The following RGS19 variants were observed in gnomAD, a reference collection of about 807,000 sequenced individuals.
The protein encoded by RGS19 is regulator of G protein signaling 19, also known as G alpha interacting protein.
A neutral mutation model predicts 22.0 loss-of-function variants in RGS19; 9 were observed. That is an observed-to-expected ratio of 0.41 (90% CI 0.25 to 0.71). The LOEUF (loss-of-function observed/expected upper bound fraction) is 0.71. Among genes scored for constraint, RGS19 ranks in the 30% least tolerant of loss-of-function variants. The pLI, the probability that RGS19 is intolerant of heterozygous loss-of-function variation, is 0.32. For missense variants in RGS19, 256 were observed against 307.1 expected (o/e 0.83, Z 1.24); for synonymous variants, 130 against 127.3 (o/e 1.02, Z -0.14).
In RGS19 at chr20:64,075,787, GCC is replaced by G. The variant is rs2059900335; in HGVS notation, c.152+736_152+737del. On this transcript the variant is annotated intron_variant, in intron 3 of 5. Transcript: ENST00000395042. The surrounding 1 kb of genome is among the most constrained non-coding windows in gnomAD (Gnocchi z 4.6). Reference sequence around the variant, plus strand: ...GCTGTCCGGGAAGCTCTTGGCCATCGCCCCAGGGCCAGCAGTTCCCTTATTGG... The same window carrying G: ...GCTGTCCGGGAAGCTCTTGGCCATCGCCAGGGCCAGCAGTTCCCTTATTGG... Among the ~76,000 whole-genome samples the G allele has an allele frequency of 6.6e-6, 1 of 151,894 alleles. No individual in the cohort carries two copies. The highest frequency in any genetic ancestry group is 1.5e-5 in the Non-Finnish European group (1 of 67,984).
At chr20:64,076,832 A>C in intron 2 of RGS19, 25 bp downstream of exon 2, 1 of 1,574,110 alleles carries the variant, frequency 6.4e-7, no homozygotes, top group Non-Finnish European at 8.6e-7. Flanking sequence ...CCAGGGGAGC[A>C]GAGGCAGAGG....
chr20:64,077,171 C>T (rs1033541306), intron 1 of RGS19, among the ~76,000 whole-genome samples: 1 of 152,150 alleles, frequency 6.6e-6, no homozygotes, highest in Non-Finnish European at 1.5e-5. Flanking sequence ...TCTGGCCCCT[C>T]CTCCCAGGCT....
chr20:64,075,849 T>C lies in RGS19; in HGVS notation c.152+676A>G, dbSNP rs766968612. On this transcript the variant is annotated intron_variant, in intron 3 of 5. Coordinates refer to ENST00000395042, the MANE Select transcript of RGS19 (RefSeq NM_005873.3). This position sits in a 1 kb window ranked among gnomAD's most constrained non-coding sequence, Gnocchi z 4.6. ...TCAAACGTCCCTCCACCCCACACACTGTATGGGGTCTGTGCCTGTCTTTCT... is the reference window on the plus strand; with the variant it reads ...TCAAACGTCCCTCCACCCCACACACCGTATGGGGTCTGTGCCTGTCTTTCT... Among the ~76,000 whole-genome samples, 5 of 151,550 alleles carry C rather than the reference T, an allele frequency of 3.3e-5. No homozygotes were observed. Among genetic ancestry groups the C allele is most frequent in the Non-Finnish European group, 5.9e-5 (4 of 67,898 alleles).
Position 64,075,512 on chromosome 20 carries a change from G to A in RGS19, c.153-971C>T, listed in dbSNP as rs891547940. ...CTGGGCTCCTCCCACCCCCTTTCCCGACTGCCCCCTGGCCACCCCCAGCTT... is the reference window on the plus strand; with the variant it reads ...CTGGGCTCCTCCCACCCCCTTTCCCAACTGCCCCCTGGCCACCCCCAGCTT... On this transcript the variant is annotated intron_variant, in intron 3 of 5. Transcript: ENST00000395042. The surrounding 1 kb of genome is among the most constrained non-coding windows in gnomAD (Gnocchi z 4.6). Among the ~76,000 whole-genome samples, 6 of 147,774 alleles carry A rather than the reference G, an allele frequency of 4.1e-5. No individual in the cohort carries two copies. In the East Asian group the frequency reaches 5.9e-4, roughly 15 times the overall value.
At chr20:64,078,282 T>TACCC (rs1320300238) in intron 1 of RGS19, among the ~76,000 whole-genome samples, 4 of 26,214 alleles carry the variant, frequency 1.5e-4, no homozygotes, top group South Asian at 8.8e-4. Flanking sequence ...CGGCCCAGTT[T>TACCC]CCTCTGAGAC....
At position 64,075,088 on chromosome 20, in the gene RGS19, A is replaced by T. The variant is rs905541228; in HGVS notation, c.153-547T>A. On this transcript the variant is annotated intron_variant, in intron 3 of 5. Coordinates refer to ENST00000395042, the MANE Select transcript of RGS19 (RefSeq NM_005873.3). The surrounding 1 kb of genome is among the most constrained non-coding windows in gnomAD (Gnocchi z 4.6). ...CCAGAAGGGTCATGTGCCTGGGAACAGGGCCACCCATGGGAATGTGCCTGG... is the reference window on the plus strand; with the variant it reads ...CCAGAAGGGTCATGTGCCTGGGAACTGGGCCACCCATGGGAATGTGCCTGG... Among the ~76,000 whole-genome samples, 6 of 123,098 alleles carry T rather than the reference A, an allele frequency of 4.9e-5. No individual in the cohort carries two copies. Among genetic ancestry groups the T allele is most frequent in the Non-Finnish European group, 1.1e-4 (6 of 55,270 alleles). The allele number at this position is 123,098 out of a possible 152,430, so 80.8% of individuals were successfully genotyped here. A position where few individuals can be genotyped will look rare whatever the true frequency, so the allele number is the denominator to read the frequency against.
At chr20:64,074,994 C>T (rs1334603452) in intron 3 of RGS19, among the ~76,000 whole-genome samples, 1 of 152,238 alleles carries the variant, frequency 6.6e-6, no homozygotes, top group Non-Finnish European at 1.5e-5. Context: ...CTCTGCTCCC[C>T]TGGGGGAGAT....
rs751164822 is a variant in RGS19, at chr20:64,073,961, C to T, written c.546G>A (p.Leu182=). The change falls in exon 6 of 6, where the codon CTG becomes CTA. Residue 182 remains leucine, a synonymous_variant. Transcript: ENST00000395042. ...CCCGGTGCATGAGCGTGTAGATCTG[C>T]AGCTGCGCGTCGTCGAACGTGTGTG... ...PSAHTFDDAQ[L]QIYTLMHRDS... 4.7e-6 allele frequency: 7 copies of T among 1,504,986 alleles called. No homozygotes were observed. The highest frequency in any genetic ancestry group is 1.5e-5 in the African/African-American group (1 of 66,814). 93.2% of individuals were successfully genotyped at this position (1,504,986 alleles called of 1,614,324 possible). A position where few individuals can be genotyped will look rare whatever the true frequency, so the allele number is the denominator to read the frequency against.
intron 1 of RGS19, among the ~76,000 whole-genome samples, chr20:64,078,427 C>CG (rs1601616393): frequency 6.6e-6 from 1 of 152,172 alleles, no homozygotes; most frequent in African/African-American, 2.4e-5. Context: ...TGTACCCAGA[C>CG]GGGGCTGTCT....
Position 64,074,290 on chromosome 20 carries a change from C to G in RGS19, c.316G>C (p.Ala106Pro). Residue 106 changes from alanine (A) to proline (P), a missense_variant, in exon 5 of 6, where the codon GCG (alanine) becomes CCG (proline). Physicochemically the swap from Ala to Pro is conservative, Grantham distance 27. Transcript: ENST00000395042. ...TCGCTGTACTCTGTCCGCAGGAACG[C>G]CCGGAACACGCTGCGTCCCGCTGGG... ...HSPAGRSVFR[A>P]FLRTEYSEEN... 2 of 1,613,278 alleles carry G rather than the reference C, an allele frequency of 1.2e-6. No individual in the cohort carries two copies. Among genetic ancestry groups the G allele is most frequent in the Non-Finnish European group, 1.7e-6 (2 of 1,180,030 alleles).
chr20:64,074,672 GAC>G (rs2059890886), intron 3 of RGS19, 131 bp from the exon 4 acceptor site: 3 of 809,732 alleles, frequency 3.7e-6, no homozygotes, highest in Non-Finnish European at 5.7e-6. Flanking sequence ...GCAGGCACCT[GAC>G]ACACATGGGC....
chr20:64,076,127 C>T (rs572439998), intron 3 of RGS19, among the ~76,000 whole-genome samples: 2 of 152,310 alleles, frequency 1.3e-5, no homozygotes, highest in South Asian at 2.1e-4. Flanking sequence ...GTGATCCGCC[C>T]ACCTTGCCCT....
At chr20:64,078,839 C>G (rs998467484) in intron 1 of RGS19, among the ~76,000 whole-genome samples, 1 of 152,148 alleles carries the variant, frequency 6.6e-6, no homozygotes, top group Non-Finnish European at 1.5e-5. Flanking sequence ...CTTTGGCCCC[C>G]AAGTCTGGGA....
Position 64,074,469 on chromosome 20 carries a change from T to C in RGS19, c.225A>G (p.Val75=), listed in dbSNP as rs1324803729. ...ACACACCAGCCGGCTGGACTCACCA[T>C]ACTTCACAGCTGGGGAGGGGCTGCA... ...SKLQPLPSCE[V]CATPSPEEVQ... The change falls in exon 4 of 6, where the codon GTA becomes GTG. Residue 75 remains valine, a splice_region_variant and synonymous_variant. Transcript: ENST00000395042. 2 of 1,585,872 alleles carry C rather than the reference T, an allele frequency of 1.3e-6. No individual in the cohort carries two copies. Among genetic ancestry groups the C allele is most frequent in the East Asian group, 2.3e-5 (1 of 43,248 alleles).
chr20:64,079,784 G>A (rs571949138), upstream of RGS19: 3 of 151,258 alleles, frequency 2.0e-5, no homozygotes, highest in African/African-American at 4.8e-5. The surrounding 1 kb of genome is among the most constrained non-coding windows in gnomAD (Gnocchi z 5.1). Flanking sequence ...CCCGTGCGCC[G>A]GCTCCCGAAG....
At chr20:64,079,882 T>A (rs2059946956), upstream of RGS19, 1 of 147,834 alleles carries the variant, frequency 6.8e-6, no homozygotes, top group African/African-American at 2.5e-5. The surrounding 1 kb of genome is among the most constrained non-coding windows in gnomAD (Gnocchi z 5.1). Context: ...CCAGCCGCGC[T>A]CCCGAGCCAC....
In RGS19 at chr20:64,076,499, A is replaced by C. The variant is rs569783850; in HGVS notation, c.152+26T>G. 78 of 1,612,084 alleles carry C rather than the reference A, an allele frequency of 4.8e-5. No individual in the cohort carries two copies. In the South Asian group the frequency reaches 6.4e-4, roughly 13 times the overall value. On this transcript the variant is annotated intron_variant, in intron 3 of 5. Transcript: ENST00000395042. ...GCCCCATGCCCTCGACCCCCTCGCC[A>C]GCTGGGCACCCCAGGCCCTACTCAC... is the stretch of plus-strand genomic sequence containing the variant.
rs561483854 is a variant in RGS19, at chr20:64,075,768, C to T, written c.152+757G>A. On this transcript the variant is annotated intron_variant, in intron 3 of 5. Transcript: ENST00000395042. The surrounding 1 kb of genome is among the most constrained non-coding windows in gnomAD (Gnocchi z 4.6). Reference sequence around the variant, plus strand: ...CTCTTCTTCCCCCACGCATGCTGTCCGGGAAGCTCTTGGCCATCGCCCCAG... The same window carrying T: ...CTCTTCTTCCCCCACGCATGCTGTCTGGGAAGCTCTTGGCCATCGCCCCAG... 1.4e-3 allele frequency among the ~76,000 whole-genome samples: 209 copies of T among 152,318 alleles called. No individual in the cohort carries two copies. The highest frequency in any genetic ancestry group is 4.9e-3 in the African/African-American group (202 of 41,576).
chr20:64,079,470 G>A lies in RGS19; in HGVS notation c.-245C>T, dbSNP rs1048428156. On this transcript the variant is annotated 5_prime_UTR_variant, in exon 1 of 6. Transcript: ENST00000395042. This position sits in a 1 kb window ranked among gnomAD's most constrained non-coding sequence, Gnocchi z 5.1. ...GAGCCCCCGATCGGCTGGGGCCGGG[G>A]GCGCAGCGCCTCCCCTACAGCTCGA... 1 of 151,614 alleles carries A rather than the reference G, an allele frequency of 6.6e-6. No homozygotes were observed. The highest frequency in any genetic ancestry group is 1.5e-5 in the Non-Finnish European group (1 of 67,764). 9.4% of individuals were successfully genotyped at this position (151,614 alleles called of 1,614,324 possible).
Sources: gnomAD v4.1 joint callset for allele counts (sites outside exome capture counted in the v4.1 genomes callset) on GRCh38, gnomAD v4.1.1 for gene constraint, Gnocchi (gnomAD v3.1) non-coding constraint, MANE v1.5 for transcripts, NCBI Gene and HGNC (gene_info 2026-07-23, HGNC 2026-07-21) for gene names.